Variants in GPR157 observed in about 807,000 individuals in gnomAD.
GPR157 encodes G protein-coupled receptor 157.
Under a neutral mutation model 23.5 loss-of-function variants are expected in GPR157, and 16 were observed. The ratio of observed to expected loss-of-function variants is 0.68; its 90% confidence interval spans 0.46 to 1.04. The LOEUF (loss-of-function observed/expected upper bound fraction) is 1.04, where lower values mean the gene tolerates loss of function less well. Ranked by LOEUF, GPR157 falls within the 50% of genes least tolerant of loss-of-function variation. The pLI is 0.00. For synonymous variants in GPR157, 200 were observed against 221.5 expected (o/e 0.90, Z 0.86); for missense variants, 440 against 460.7 (o/e 0.96, Z 0.41).
At chr1:9,116,137 T>C (rs1477368126) in intron 1 of GPR157, among the ~76,000 whole-genome samples, 1 of 54,342 alleles carries the variant, frequency 1.8e-5, no homozygotes, top group Non-Finnish European at 3.6e-5. Context: ...CACACCATTA[T>C]ATATATATTA....
At chr1:9,106,454 C>T (rs545664131) in intron 2 of GPR157, among the ~76,000 whole-genome samples, 203 of 152,346 alleles carry the variant, frequency 1.3e-3, no homozygotes, top group Non-Finnish European at 1.8e-3. Flanking sequence ...ACGGTCGCAG[C>T]GGGGCCAACC....
At chr1:9,112,390 G>A (rs911030661) in intron 1 of GPR157, among the ~76,000 whole-genome samples, 1 of 152,236 alleles carries the variant, frequency 6.6e-6, no homozygotes, top group Non-Finnish European at 1.5e-5. Context: ...AACCTGGCAA[G>A]GGTCAACGGG....
intron 1 of GPR157, among the ~76,000 whole-genome samples, chr1:9,123,570 T>TC (rs374080619): frequency 1.2e-4 from 2 of 17,184 alleles, no homozygotes; most frequent in South Asian, 3.7e-3. Context: ...TTTAAATATA[T>TC]TTTAAATATA....
intron 2 of GPR157, among the ~76,000 whole-genome samples, chr1:9,109,944 C>T (rs1031126038): frequency 6.6e-6 from 1 of 152,170 alleles, no homozygotes; most frequent in East Asian, 1.9e-4. Flanking sequence ...GAATGGCCTA[C>T]AAGATGGGTA....
intron 1 of GPR157, among the ~76,000 whole-genome samples, chr1:9,123,535 T>TAAAATATATATATTTTAAATATATATTTA: frequency 1.1e-5 from 1 of 93,910 alleles, no homozygotes; most frequent in Middle Eastern, 0.012. Flanking sequence ...AATATATATT[T>TAAAATATATATATTTTAAATATATATTTA]AAATATATCT....
At chr1:9,121,501 G>T (rs1033673411) in intron 1 of GPR157, among the ~76,000 whole-genome samples, 3 of 151,964 alleles carry the variant, frequency 2.0e-5, no homozygotes, top group African/African-American at 7.3e-5. Flanking sequence ...TTAGCCAGAC[G>T]TGGTGGTGTA....
In GPR157 at chr1:9,118,635, A is replaced by G. The variant is rs1638735690; in HGVS notation, c.384-7146T>C. Among the ~76,000 whole-genome samples the G allele has an allele frequency of 6.6e-6, 1 of 152,238 alleles. No individual in the cohort carries two copies. Among genetic ancestry groups the G allele is most frequent in the Admixed American group, 6.5e-5 (1 of 15,282 alleles). On this transcript the variant is annotated intron_variant, in intron 1 of 3. Transcript: ENST00000377411. The surrounding 1 kb of genome is among the most constrained non-coding windows in gnomAD (Gnocchi z 4.6). ...TTCATCTGTTGAAGTCCTAATCCCC[A>G]GAACCTCAGAATGTGAGTGTATTTG...
chr1:9,104,619 A>T lies in GPR157; in HGVS notation c.808T>A (p.Phe270Ile). ...ATGATGCAGTTGGCACCTCCCTGAAACGTGTTCCCGATACCCTGTCGGGAG... is the reference window on the plus strand; with the variant it reads ...ATGATGCAGTTGGCACCTCCCTGAATCGTGTTCCCGATACCCTGTCGGGAG... ...LVVLHGIGNT[F>I]QGGANCIMFV... The change falls in exon 4 of 4, where the codon TTT becomes ATT. Residue 270 changes from phenylalanine (F) to isoleucine (I), a missense_variant. Coordinates refer to ENST00000377411, the MANE Select transcript of GPR157 (RefSeq NM_024980.5). The T allele has an allele frequency of 6.2e-7, 1 of 1,606,552 alleles. No individual in the cohort carries two copies. The highest frequency in any genetic ancestry group is 2.2e-5 in the East Asian group (1 of 44,656).
intron 1 of GPR157, among the ~76,000 whole-genome samples, chr1:9,125,101 C>A (rs962766556): frequency 1.3e-5 from 2 of 152,204 alleles, no homozygotes; most frequent in African/African-American, 4.8e-5. Context: ...AGCCCCATTG[C>A]ATTGCCGGCT....
At chr1:9,123,163 G>GGGA (rs374439585) in intron 1 of GPR157, among the ~76,000 whole-genome samples, 2 of 87,566 alleles carry the variant, frequency 2.3e-5, no homozygotes, top group African/African-American at 8.7e-5. Flanking sequence ...TCTTGGGTGG[G>GGGA]AAAAAAAAAA....
Position 9,104,117 on chromosome 1 carries a change from CTGGGTGGGGG to C in GPR157, c.*292_*301del. The C allele has an allele frequency of 2.6e-6, 1 of 387,556 alleles. No homozygotes were observed. The highest frequency in any genetic ancestry group is 4.8e-6 in the Non-Finnish European group (1 of 206,782). 24.0% of individuals were successfully genotyped at this position (387,556 alleles called of 1,614,324 possible). A position where few individuals can be genotyped will look rare whatever the true frequency, so the allele number is the denominator to read the frequency against. On this transcript the variant is annotated 3_prime_UTR_variant, in exon 4 of 4. Coordinates refer to ENST00000377411, the MANE Select transcript of GPR157 (RefSeq NM_024980.5). The stretch of plus-strand genomic sequence containing the variant: ...GTGGTCCTCAGGACATCAAGGTCCA[CTGGGTGGGGG>C]CACTGTGGCCACAGCTGTGGGCCAC...
intron 1 of GPR157, among the ~76,000 whole-genome samples, chr1:9,124,983 C>T (rs1251856367): frequency 1.3e-5 from 2 of 152,112 alleles, no homozygotes; most frequent in Admixed American, 6.6e-5. Context: ...CTGGTATATC[C>T]AGTGCATTGT....
rs1322683273 is a variant in GPR157, at chr1:9,118,763, C to CATGGT, written c.384-7279_384-7275dup. ...TCATAACTTAAGAGGAAAGGCTGGG[C>CATGGT]ATGGTGGCTCACACCTGTAATCCCA... On this transcript the variant is annotated intron_variant, in intron 1 of 3. Coordinates refer to ENST00000377411, the MANE Select transcript of GPR157 (RefSeq NM_024980.5). The surrounding 1 kb of genome is among the most constrained non-coding windows in gnomAD (Gnocchi z 4.6). Among the ~76,000 whole-genome samples, 1 of 152,188 alleles carries CATGGT rather than the reference C, an allele frequency of 6.6e-6. No individual in the cohort carries two copies. Among genetic ancestry groups the CATGGT allele is most frequent in the Non-Finnish European group, 1.5e-5 (1 of 68,034 alleles).
chr1:9,105,393 G>T lies in GPR157; in HGVS notation c.792+93C>A. On this transcript the variant is annotated intron_variant, in intron 3 of 3. Transcript: ENST00000377411. This position sits in a 1 kb window ranked among gnomAD's most constrained non-coding sequence, Gnocchi z 4.8. ...TCCTCCCTGCAGCTGTGCCTTGGCC[G>T]ACACTGGGGTGCAGCCACTGTGCTG... is the stretch of plus-strand genomic sequence containing the variant. 1 of 1,213,390 alleles carries T rather than the reference G, an allele frequency of 8.2e-7. No individual in the cohort carries two copies. Among genetic ancestry groups the T allele is most frequent in the South Asian group, 1.5e-5 (1 of 64,630 alleles). The allele number at this position is 1,213,390 out of a possible 1,614,324, so 75.2% of individuals were successfully genotyped here. A position where few individuals can be genotyped will look rare whatever the true frequency, so the allele number is the denominator to read the frequency against.
At chr1:9,126,806 GATA>G (rs1313289099) in intron 1 of GPR157, among the ~76,000 whole-genome samples, 3 of 152,166 alleles carry the variant, frequency 2.0e-5, no homozygotes, top group Non-Finnish European at 2.9e-5. Flanking sequence ...CTTGGATACA[GATA>G]ATTTTATTTT....
rs193078814 is a variant in GPR157, at chr1:9,104,989, G to A, written c.793-355C>T. ...CACTCCAACCTGGGTGACAAAGCCAGACTCTGTCCCCGCACCCCCCCCCAA... is the reference window on the plus strand; with the variant it reads ...CACTCCAACCTGGGTGACAAAGCCAAACTCTGTCCCCGCACCCCCCCCCAA... On this transcript the variant is annotated intron_variant, in intron 3 of 3. Coordinates refer to ENST00000377411, the MANE Select transcript of GPR157 (RefSeq NM_024980.5). Among the ~76,000 whole-genome samples the A allele has an allele frequency of 1.3e-3, 186 of 143,362 alleles. 4 individuals are homozygous for A. The highest frequency in any genetic ancestry group is 4.5e-3 in the African/African-American group (175 of 38,540). The allele number at this position is 143,362 out of a possible 152,430, so 94.1% of individuals were successfully genotyped here. A position where few individuals can be genotyped will look rare whatever the true frequency, so the allele number is the denominator to read the frequency against.
chr1:9,117,848 T>C (rs1180221639), intron 1 of GPR157, among the ~76,000 whole-genome samples: 3 of 151,972 alleles, frequency 2.0e-5, no homozygotes, highest in Non-Finnish European at 4.4e-5. Context: ...CCTAACAGTT[T>C]TTCCCCCCTT....
At chr1:9,123,809 A>G (rs1297241325) in intron 1 of GPR157, among the ~76,000 whole-genome samples, 1 of 133,540 alleles carries the variant, frequency 7.5e-6, no homozygotes, top group East Asian at 2.0e-4. Context: ...TATATATAAT[A>G]TTAAATATAT....
intron 1 of GPR157, 129 bp from the exon 2 acceptor site, chr1:9,111,618 C>T: frequency 1.4e-6 from 1 of 691,468 alleles, no homozygotes; most frequent in Non-Finnish European, 2.5e-6. Flanking sequence ...GGCACAGTGG[C>T]CCTGGAAAAT....
Sources: allele counts gnomAD v4.1 joint callset (sites outside exome capture counted in the v4.1 genomes callset), GRCh38; gene constraint gnomAD v4.1.1; non-coding constraint Gnocchi (gnomAD v3.1); transcripts MANE v1.5; gene names NCBI Gene and HGNC (gene_info 2026-07-23, HGNC 2026-07-21).